PLEC: variants seen among roughly 807,000 people sequenced by gnomAD.
PLEC encodes hemidesmosomal protein 1.
In PLEC, 216 loss-of-function variants were observed where a neutral mutation model predicts 392.8. The ratio of observed to expected loss-of-function variants is 0.55; its 90% CI spans 0.49 to 0.62. The LOEUF is 0.62. Ranked by LOEUF, PLEC falls within the 20% of genes least tolerant of loss-of-function variation. PLEC has a pLI of 0.00. For missense variants in PLEC, 6,863 were observed against 6,563.4 expected (o/e 1.05, Z -1.58); for synonymous variants, 3,621 against 2,980.6 (o/e 1.21, Z -7.00).
chr8:143,958,351 C>T (rs974977271), upstream of PLEC, among the ~76,000 whole-genome samples: 1 of 152,144 alleles, frequency 6.6e-6, no homozygotes, highest in East Asian at 1.9e-4. The surrounding 1 kb of genome is among the most constrained non-coding windows in gnomAD (Gnocchi z 4.9). Flanking sequence ...GTCATCTCTC[C>T]GAGCCACATC....
exon 1 of PLEC, chr8:143,950,774 G>A (rs1832065119): frequency 1.3e-6 from 2 of 1,531,560 alleles, no homozygotes; most frequent in Admixed American, 2.0e-5. Flanking sequence ...GAAGGCCCGG[G>A]GCGCTGCGAG....
intron 12 of PLEC, 74 bp from the exon 13 acceptor site, chr8:143,933,425 C>T (rs1005846504): frequency 1.3e-6 from 2 of 1,570,072 alleles, no homozygotes; most frequent in Non-Finnish European, 1.7e-6. Context: ...GCCAAGACGG[C>T]CACCCTCAGC....
chr8:143,926,210 G>C (rs1429178785), intron 30 of PLEC, among the ~76,000 whole-genome samples: 1 of 152,250 alleles, frequency 6.6e-6, no homozygotes, highest in East Asian at 1.9e-4. Context: ...CCAGCACACA[G>C]CCCTGCCTGA....
upstream of PLEC, among the ~76,000 whole-genome samples, chr8:143,940,303 C>T (rs1830206867): frequency 6.6e-6 from 1 of 152,200 alleles, no homozygotes; most frequent in African/African-American, 2.4e-5. Flanking sequence ...AGGGCTGACT[C>T]ACGGAGGCCG....
intron 19 of PLEC, 60 bp from the exon 20 acceptor site, chr8:143,930,596 C>T (rs1210587138): frequency 6.5e-7 from 1 of 1,535,500 alleles, no homozygotes; most frequent in Admixed American, 1.9e-5. Flanking sequence ...CTGCCCCAGG[C>T]ACCCCCAGAC....
Position 143,916,232 on chromosome 8 carries a change from C to A in PLEC, c.13589G>T (p.Arg4530Leu). 6.5e-7 allele frequency: 1 copy of A among 1,546,384 alleles called. No homozygotes were observed. Among genetic ancestry groups the A allele is most frequent in the Non-Finnish European group, 8.7e-7 (1 of 1,145,606 alleles). Residue 4530 changes from arginine (R) to leucine (L), a missense_variant, in exon 32 of 32, where the codon CGC becomes CTC. Transcript: ENST00000345136. ...SSYSSSGYGRRYASGSSASLG... is the reference protein window; with the variant it reads ...SSYSSSGYGRLYASGSSASLG... ...GGAGGCCGAGGACCCCGAGGCGTAGCGGCGGCCGTAGCCCGAGGAGGAGTA... is the reference window on the plus strand; with the variant it reads ...GGAGGCCGAGGACCCCGAGGCGTAGAGGCGGCCGTAGCCCGAGGAGGAGTA...
upstream of PLEC, chr8:143,942,478 T>C: frequency 1.3e-6 from 2 of 1,595,508 alleles, no homozygotes; most frequent in East Asian, 2.2e-5. Context: ...CAGCAAGACC[T>C]CCCTCGGCGA....
In PLEC at chr8:143,930,248, C is replaced by G; in HGVS notation, c.2508G>C (p.Pro836=). Reference sequence around the variant, plus strand: ...AGCTGCTGAGCACCTTCCAGTGGGACGGCTGTGCAGGGCCCACCAGCTGGC... The same window carrying G: ...AGCTGCTGAGCACCTTCCAGTGGGAGGGCTGTGCAGGGCCCACCAGCTGGC... The part of the protein sequence containing the change: ...DECQLVGPAQ[P]SHWKVLSSSG... Residue 836 remains proline (P), a synonymous_variant, in exon 21 of 32, where the codon CCG becomes CCC. Transcript: ENST00000345136. The G allele has an allele frequency of 2.5e-6, 4 of 1,598,834 alleles. No homozygotes were observed. Among genetic ancestry groups the G allele is most frequent in the Non-Finnish European group, 3.4e-6 (4 of 1,177,436 alleles).
chr8:143,943,717 G>C (rs1355460376), upstream of PLEC: 2 of 1,477,504 alleles, frequency 1.4e-6, no homozygotes, highest in Non-Finnish European at 1.9e-6. Context: ...GAATGAAGGG[G>C]CGGGAGGCAG....
rs1554675399 is a variant in PLEC at position 143,918,477 on chromosome 8, G to C, written c.11344C>G (p.Leu3782Val). Residue 3782 changes from leucine to valine, a missense_variant, in exon 32 of 32, where the codon CTC (leucine) becomes GTC (valine). Physicochemically the swap from Leu to Val is conservative, Grantham distance 32. Transcript: ENST00000345136. ...RDPYTEQTISLFQAMKKELIP... is the reference protein window; with the variant it reads ...RDPYTEQTISVFQAMKKELIP... ...AGCTCCTTCTTCATGGCCTGGAAGA[G>C]CGAGATGGTCTGCTCGGTGTAGGGG... 6.3e-7 allele frequency: 1 copy of C among 1,596,116 alleles called. No homozygotes were observed. The highest frequency in any genetic ancestry group is 8.5e-7 in the Non-Finnish European group (1 of 1,172,752).
chr8:143,947,323 G>A (rs545641092), intron 1 of PLEC, among the ~76,000 whole-genome samples: 1 of 152,238 alleles, frequency 6.6e-6, no homozygotes, highest in Non-Finnish European at 1.5e-5. Context: ...GGTGCTGTGC[G>A]TGTACAGCGC....
At chr8:143,952,181 AACACACAC>A (rs66992958), upstream of PLEC, among the ~76,000 whole-genome samples, 30 of 140,308 alleles carry the variant, frequency 2.1e-4, no homozygotes, top group East Asian at 1.8e-3. Flanking sequence ...GCAGGCTCCA[AACACACAC>A]ACACACACAC....
In PLEC at chr8:143,925,068, C is replaced by T. The variant is rs782193157; in HGVS notation, c.4861G>A (p.Glu1621Lys). ...ERRAQQQAEA[E>K]RAREEAEREL... The stretch of plus-strand genomic sequence containing the variant: ...CGCTCTGCCTCCTCGCGCGCCCGCT[C>T]GGCCTCGGCCTGCTGCTGTGCCCGC... Residue 1621 changes from glutamate to lysine, a missense_variant, in exon 31 of 32, where the codon GAG becomes AAG. Physicochemically the swap from Glu to Lys is moderately conservative, Grantham distance 56. Coordinates refer to ENST00000345136, the MANE Select transcript of PLEC (RefSeq NM_201384.3). 16 of 1,539,194 alleles carry T rather than the reference C, an allele frequency of 1.0e-5. No individual in the cohort carries two copies. The highest frequency in any genetic ancestry group is 8.2e-5 in the African/African-American group (6 of 73,130).
rs1554705838 is a variant in PLEC, at chr8:143,926,792, C to A, written c.4036G>T (p.Glu1346Ter). 6.2e-7 allele frequency: 1 copy of A among 1,613,320 alleles called. No homozygotes were observed. The highest frequency in any genetic ancestry group is 2.2e-5 in the East Asian group (1 of 44,884). ...FISETLRRME[E>*]EERLAEQQRA... ...CGCCCAACGGGCTGTACCTCCTCCTCCTCCATGCGCCGCAGAGTCTCGCTG... is the reference window on the plus strand; with the variant it reads ...CGCCCAACGGGCTGTACCTCCTCCTACTCCATGCGCCGCAGAGTCTCGCTG... The change falls in exon 30 of 32, where the codon GAG becomes TAG. Residue 1346 changes from glutamate to a stop codon, truncating the protein, a stop_gained. Transcript: ENST00000345136. LOFTEE classifies it high-confidence loss of function.
chr8:143,933,128 C>G lies in PLEC; in HGVS notation c.1419-17G>C, dbSNP rs201362714. 1.0e-5 allele frequency: 16 copies of G among 1,602,362 alleles called. No homozygotes were observed. Among genetic ancestry groups the G allele is most frequent in the African/African-American group, 1.3e-5 (1 of 74,920 alleles). ...CGGTACACCCTGGGGCAGCAGAGGA[C>G]TCAGGTAGGTGTTGGCGGGCCTGGG... On this transcript the variant is annotated splice_polypyrimidine_tract_variant and intron_variant, in intron 13 of 31. Transcript: ENST00000345136.
In PLEC at chr8:143,921,288, C is replaced by A; in HGVS notation, c.8533G>T (p.Asp2845Tyr). 3 of 1,614,056 alleles carry A rather than the reference C, an allele frequency of 1.9e-6. No homozygotes were observed. Among genetic ancestry groups the A allele is most frequent in the Non-Finnish European group, 2.5e-6 (3 of 1,180,034 alleles). ...AAGCCCTTGGTGTCGTCGCTGGGGT[C>A]CGCCAGGACGCGGTTCATCTCCTCG... Reference protein sequence around the residue: ...FDEEMNRVLADPSDDTKGFFD... With the variant: ...FDEEMNRVLAYPSDDTKGFFD... Residue 2845 changes from aspartate (D) to tyrosine (Y), a missense_variant, in exon 32 of 32, where the codon GAC becomes TAC. Asp to Tyr is a radical substitution (Grantham distance 160). Transcript: ENST00000345136.
Position 143,923,547 on chromosome 8 carries a change from G to T in PLEC, c.6382C>A (p.Arg2128=). 3 of 1,598,380 alleles carry T rather than the reference G, an allele frequency of 1.9e-6. No individual in the cohort carries two copies. The highest frequency in any genetic ancestry group is 2.5e-6 in the Non-Finnish European group (3 of 1,178,198). Residue 2128 remains arginine (R), a synonymous_variant, in exon 31 of 32, where the codon CGG becomes AGG. Coordinates refer to ENST00000345136, the MANE Select transcript of PLEC (RefSeq NM_201384.3). The part of the protein sequence containing the change: ...KQSAEEQAQA[R]AQAQAAAEKL... Reference sequence around the variant, plus strand: ...TCTGCAGCCGCCTGTGCCTGAGCCCGGGCCTGTGCCTGCTCCTCTGCCGAC... The same window carrying T: ...TCTGCAGCCGCCTGTGCCTGAGCCCTGGCCTGTGCCTGCTCCTCTGCCGAC...
At position 143,926,190 on chromosome 8, in the gene PLEC, C is replaced by T. The variant is rs541415333; in HGVS notation, c.4045-306G>A. ...GAGCAAAGCAGGAGCTCGGAACCTG[C>T]GAGCCACACCCAGCACACAGCCCTG... On this transcript the variant is annotated intron_variant, in intron 30 of 31. Coordinates refer to ENST00000345136, the MANE Select transcript of PLEC (RefSeq NM_201384.3). 3.4e-4 allele frequency among the ~76,000 whole-genome samples: 52 copies of T among 152,342 alleles called. 1 individual carries two copies. The East Asian group carries it at 7.7e-3, about 23-fold the overall frequency.
rs782582930 is a variant in PLEC, at chr8:143,923,553, G to C, written c.6376C>G (p.Gln2126Glu). 62 of 1,597,762 alleles carry C rather than the reference G, an allele frequency of 3.9e-5. No individual in the cohort carries two copies. Among genetic ancestry groups the C allele is most frequent in the Non-Finnish European group, 5.1e-5 (60 of 1,178,124 alleles). ...GCCGCCTGTGCCTGAGCCCGGGCCTGTGCCTGCTCCTCTGCCGACTGCTTC... is the reference window on the plus strand; with the variant it reads ...GCCGCCTGTGCCTGAGCCCGGGCCTCTGCCTGCTCCTCTGCCGACTGCTTC... ...RLKQSAEEQA[Q>E]ARAQAQAAAE... Residue 2126 changes from glutamine (Q) to glutamate (E), a missense_variant, in exon 31 of 32, where the codon CAG becomes GAG. Gln to Glu is a conservative substitution (Grantham distance 29, BLOSUM62 2). Coordinates refer to ENST00000345136, the MANE Select transcript of PLEC (RefSeq NM_201384.3).
Sources: allele counts gnomAD v4.1 joint callset (sites outside exome capture counted in the v4.1 genomes callset), GRCh38; gene constraint gnomAD v4.1.1; non-coding constraint Gnocchi (gnomAD v3.1); transcripts MANE v1.5; gene names NCBI Gene and HGNC (gene_info 2026-07-23, HGNC 2026-07-21).